The following ATP13A5 variants were observed in gnomAD, a reference collection of about 807,000 sequenced individuals.
The protein encoded by ATP13A5 is ATPase 13A5.
Under a neutral mutation model 150.2 loss-of-function variants are expected in ATP13A5, and 149 were observed. The ratio of observed to expected loss-of-function variants is 0.99; its 90% CI spans 0.87 to 1.14. The LOEUF (loss-of-function observed/expected upper bound fraction) is 1.14. Ranked by LOEUF, ATP13A5 falls within the 50% of genes most tolerant of loss-of-function variation. The pLI is 0.00. For missense variants in ATP13A5, 1,383 were observed against 1,449.3 expected (o/e 0.95, Z 0.74); for synonymous variants, 497 against 522.2 (o/e 0.95, Z 0.66).
intron 5 of ATP13A5, among the ~76,000 whole-genome samples, chr3:193,358,721 C>T (rs1017974): frequency 0.97 from 147,078 of 152,308 alleles, 71,040 homozygotes; most frequent in African/African-American, 0.99. Context: ...TCTTAGAGGA[C>T]TTCAAGCCCT....
intron 1 of ATP13A5, among the ~76,000 whole-genome samples, chr3:193,378,002 A>G (rs1488372447): frequency 6.6e-6 from 1 of 152,230 alleles, no homozygotes; most frequent in Non-Finnish European, 1.5e-5. Context: ...AGGATTATAT[A>G]AAATCATAAA....
In ATP13A5 at chr3:193,319,541, C is replaced by T. The variant is rs114325612; in HGVS notation, c.1916-433G>A. 6.0e-3 allele frequency among the ~76,000 whole-genome samples: 914 copies of T among 152,306 alleles called. 13 individuals are homozygous for T. The highest frequency in any genetic ancestry group is 0.021 in the African/African-American group (867 of 41,562). ...TGCAAACCAGAAAGAAAGCCCTCTC[C>T]GGGAACCACGTTGGGCAACACCTCT... On this transcript the variant is annotated intron_variant, in intron 16 of 29. Coordinates refer to ENST00000342358, the MANE Select transcript of ATP13A5 (RefSeq NM_198505.4).
chr3:193,275,267 C>T lies in ATP13A5; in HGVS notation c.3432G>A (p.Leu1144=). 2 of 1,613,904 alleles carry T rather than the reference C, an allele frequency of 1.2e-6. No homozygotes were observed. The highest frequency in any genetic ancestry group is 1.7e-6 in the Non-Finnish European group (2 of 1,180,014). ...SILQNHELWL[L]IKREFGFYSK... The stretch of plus-strand genomic sequence containing the variant: ...AGTAGAATCCAAATTCTCTTTTGAT[C>T]AACAGCCAGAGTTCATGATTTTGAA... The change falls in exon 30 of 30, where the codon TTG becomes TTA. Residue 1144 remains leucine (L), a synonymous_variant. Transcript: ENST00000342358.
chr3:193,377,875 G>C (rs752815010), intron 1 of ATP13A5, among the ~76,000 whole-genome samples: 7 of 152,180 alleles, frequency 4.6e-5, no homozygotes, highest in Non-Finnish European at 8.8e-5. Flanking sequence ...AGAAGGAGTC[G>C]GCTGGATTCC....
rs774679608 is a variant in ATP13A5, at chr3:193,362,545, G to A, written c.455+22C>T. 1.9e-5 allele frequency: 30 copies of A among 1,613,608 alleles called. 1 individual carries two copies. In the South Asian group the frequency reaches 3.0e-4, roughly 16 times the overall value. The stretch of plus-strand genomic sequence containing the variant: ...TTTTTCCCCTATATCCTGACCAAGG[G>A]GTGACAAAACATTGTACTTACCCAA... On this transcript the variant is annotated intron_variant, in intron 4 of 29. Transcript: ENST00000342358.
intron 14 of ATP13A5, chr3:193,323,510 T>C (rs1446289076): frequency 6.6e-6 from 1 of 152,228 alleles, no homozygotes; most frequent in Non-Finnish European, 1.5e-5. Context: ...AAGTATGTTA[T>C]TTGTAAAGAC....
At chr3:193,291,349 G>T (rs1466649943) in intron 25 of ATP13A5, among the ~76,000 whole-genome samples, 1 of 152,102 alleles carries the variant, frequency 6.6e-6, no homozygotes, top group Non-Finnish European at 1.5e-5. Flanking sequence ...TGAAGTCCAT[G>T]AAAGACACAG....
At chr3:193,320,184 C>G (rs937772595) in intron 16 of ATP13A5, among the ~76,000 whole-genome samples, 1 of 152,202 alleles carries the variant, frequency 6.6e-6, no homozygotes, top group Non-Finnish European at 1.5e-5. Context: ...TCCATGTGGA[C>G]CTTAGTCATG....
At chr3:193,352,152 A>G (rs1467230200) in intron 6 of ATP13A5, among the ~76,000 whole-genome samples, 1 of 152,242 alleles carries the variant, frequency 6.6e-6, no homozygotes, top group Non-Finnish European at 1.5e-5. Context: ...ATACAATTCT[A>G]ATTTAGTCTT....
At position 193,289,886 on chromosome 3, in the gene ATP13A5, T is replaced by G. The variant is rs762849159; in HGVS notation, c.3022A>C (p.Ser1008Arg). ...QPWYCEVYQY[S>R]ECFLANQSNF... is the part of the protein sequence containing the mutation. ...GCAGCACTAAGAAAATGAACTTACC[T>G]GTATTGGTAGACCTCACAATACCAA... The change falls in exon 26 of 30, where the codon AGT (serine) becomes CGT (arginine). Residue 1008 changes from serine (S) to arginine (R), a missense_variant and splice_region_variant. Ser to Arg is a moderately radical substitution (Grantham distance 110). This residue lies in a region of ATP13A5 where 568 missense variants were observed against 621.5 expected (regional missense o/e 0.91). Transcript: ENST00000342358. 34 of 1,589,874 alleles carry G rather than the reference T, an allele frequency of 2.1e-5. No individual in the cohort carries two copies. The highest frequency in any genetic ancestry group is 2.8e-5 in the Non-Finnish European group (33 of 1,170,554).
Position 193,288,927 on chromosome 3 carries a change from C to T in ATP13A5, c.3023+958G>A, listed in dbSNP as rs150705671. Reference sequence around the variant, plus strand: ...CCTATCCATCCTCTTTTGGCTACAACATATTGTCTTCTAGGTTCAGTCAAA... The same window carrying T: ...CCTATCCATCCTCTTTTGGCTACAATATATTGTCTTCTAGGTTCAGTCAAA... On this transcript the variant is annotated intron_variant, in intron 26 of 29. Coordinates refer to ENST00000342358, the MANE Select transcript of ATP13A5 (RefSeq NM_198505.4). 1.9e-3 allele frequency among the ~76,000 whole-genome samples: 288 copies of T among 152,174 alleles called. 3 individuals are homozygous for T. The highest frequency in any genetic ancestry group is 0.014 in the East Asian group (75 of 5,178).
chr3:193,328,802 A>G lies in ATP13A5; in HGVS notation c.1462-1745T>C, dbSNP rs377471562. Among the ~76,000 whole-genome samples, 31 of 152,364 alleles carry G rather than the reference A, an allele frequency of 2.0e-4. No individual in the cohort carries two copies. In the East Asian group the frequency reaches 5.0e-3, roughly 25 times the overall value. On this transcript the variant is annotated intron_variant, in intron 12 of 29. Transcript: ENST00000342358. Reference sequence around the variant, plus strand: ...CAAATGGACTCAGAAACCCAGTGACAGATATCTCCGAAACTGGAAATAACA... The same window carrying G: ...CAAATGGACTCAGAAACCCAGTGACGGATATCTCCGAAACTGGAAATAACA...
At chr3:193,322,674 T>C in intron 14 of ATP13A5, 100 bp from the exon 15 acceptor site, 1 of 841,994 alleles carries the variant, frequency 1.2e-6, no homozygotes, top group Non-Finnish European at 1.9e-6. Flanking sequence ...CAAAGCCATT[T>C]TTACATATTT....
chr3:193,329,969 A>G (rs1484057414), intron 12 of ATP13A5, among the ~76,000 whole-genome samples: 1 of 152,186 alleles, frequency 6.6e-6, no homozygotes, highest in Non-Finnish European at 1.5e-5. Context: ...TTCTGCTTCA[A>G]GACAAGGACC....
In ATP13A5 at chr3:193,305,585, G is replaced by A. The variant is rs1298379020; in HGVS notation, c.2652C>T (p.Asn884=). 1 of 1,613,838 alleles carries A rather than the reference G, an allele frequency of 6.2e-7. No homozygotes were observed. The highest frequency in any genetic ancestry group is 8.5e-7 in the Non-Finnish European group (1 of 1,179,750). The part of the protein sequence containing the change: ...VASPFTSKTT[N]IQCVPHLIRE... ...TGATGAGATGAGGCACACACTGGAT[G>A]TTGGTTGTTTTAGAGGTAAAAGGGG... Residue 884 remains asparagine (N), a synonymous_variant, in exon 23 of 30, where the codon AAC becomes AAT. Transcript: ENST00000342358.
chr3:193,376,403 G>C (rs1211382452), intron 1 of ATP13A5, among the ~76,000 whole-genome samples: 1 of 152,054 alleles, frequency 6.6e-6, no homozygotes, highest in Non-Finnish European at 1.5e-5. Context: ...AGAAAAACAG[G>C]CTTTTGCTAT....
intron 25 of ATP13A5, among the ~76,000 whole-genome samples, chr3:193,291,614 G>C (rs1201107785): frequency 6.6e-6 from 1 of 152,048 alleles, no homozygotes; most frequent in African/African-American, 2.4e-5. Context: ...CTGACCTCCA[G>C]ATAGGGGAGT....
At chr3:193,356,445 C>A (rs1200780166) in intron 5 of ATP13A5, among the ~76,000 whole-genome samples, 1 of 151,962 alleles carries the variant, frequency 6.6e-6, no homozygotes, top group Non-Finnish European at 1.5e-5. Context: ...ATAAAACATA[C>A]CTAATAAAAT....
rs149431762 is a variant in ATP13A5 at position 193,289,924 on chromosome 3, A to T, written c.2984T>A (p.Val995Glu). The change falls in exon 26 of 30, where the codon GTG (valine) becomes GAG (glutamate). Residue 995 changes from valine to glutamate, a missense_variant. Physicochemically the swap from Val to Glu is moderately radical, Grantham distance 121. Transcript: ENST00000342358. ...CTCACAATACCAAGGCTGCTGCTTC[A>T]CATAGAGAAATGCACTGATCTGCAC... ...CIVQISAFLY[V>E]KQQPWYCEVY... is the part of the protein sequence containing the mutation. 5.5e-4 allele frequency: 892 copies of T among 1,611,812 alleles called. No homozygotes were observed. Among genetic ancestry groups the T allele is most frequent in the Non-Finnish European group, 4.0e-4 (466 of 1,178,910 alleles).
Sources: allele counts gnomAD v4.1 joint callset (sites outside exome capture counted in the v4.1 genomes callset), GRCh38; gene constraint gnomAD v4.1.1; regional missense constraint gnomAD v4.1.1; transcripts MANE v1.5; gene names NCBI Gene and HGNC (gene_info 2026-07-23, HGNC 2026-07-21).